The following SKAP2 variants were observed in gnomAD, a reference collection of about 807,000 sequenced individuals.
The protein encoded by SKAP2 is src kinase-associated phosphoprotein 2.
Under a neutral mutation model 54.9 loss-of-function variants are expected in SKAP2, and 28 were observed. That is an observed-to-expected ratio of 0.51 (90% confidence interval 0.38 to 0.70). The LOEUF is 0.70. SKAP2 is among the 30% of genes least tolerant of loss of function. The pLI is 0.00. For synonymous variants in SKAP2, 137 were observed against 134.3 expected (o/e 1.02, Z -0.14); for missense variants, 356 against 424.1 (o/e 0.84, Z 1.41).
chr7:26,743,413 G>C (rs1782497406), intron 4 of SKAP2, among the ~76,000 whole-genome samples: 1 of 152,104 alleles, frequency 6.6e-6, no homozygotes, highest in African/African-American at 2.4e-5. Context: ...GCATGATTCA[G>C]CAACTATACA....
intron 4 of SKAP2, among the ~76,000 whole-genome samples, chr7:26,841,304 G>A (rs1052024324): frequency 5.9e-5 from 9 of 151,784 alleles, no homozygotes; most frequent in Admixed American, 5.3e-4. Context: ...CTGTTAGCAT[G>A]CAGCAAGTTA....
chr7:26,699,858 T>C (rs1786985147), intron 9 of SKAP2, among the ~76,000 whole-genome samples: 1 of 152,196 alleles, frequency 6.6e-6, no homozygotes, highest in South Asian at 2.1e-4. Context: ...CACTATTTGA[T>C]AATTATTTTA....
intron 9 of SKAP2, 101 bp downstream of exon 9, chr7:26,725,327 T>C: frequency 1.3e-6 from 1 of 760,626 alleles, no homozygotes. Context: ...CATTTTCTAC[T>C]CAAGCTGTCG....
At chr7:26,698,536 G>T (rs1786948212) in intron 9 of SKAP2, among the ~76,000 whole-genome samples, 1 of 152,176 alleles carries the variant, frequency 6.6e-6, no homozygotes, top group South Asian at 2.1e-4. Flanking sequence ...GAATGTCCTT[G>T]ATGAAGCAGT....
chr7:26,732,767 A>G (rs893889684), intron 6 of SKAP2, among the ~76,000 whole-genome samples: 5 of 152,208 alleles, frequency 3.3e-5, no homozygotes, highest in Non-Finnish European at 5.9e-5. Context: ...TGCAGATGCC[A>G]ATGCTAAATC....
chr7:26,736,532 C>A (rs1273845433), intron 6 of SKAP2, among the ~76,000 whole-genome samples: 1 of 152,178 alleles, frequency 6.6e-6, no homozygotes, highest in South Asian at 2.1e-4. Flanking sequence ...CAAGAAGTAA[C>A]AATAAGTGTA....
chr7:26,741,747 A>G (rs1398281275), intron 4 of SKAP2, among the ~76,000 whole-genome samples: 1 of 152,062 alleles, frequency 6.6e-6, no homozygotes, highest in Non-Finnish European at 1.5e-5. Flanking sequence ...TGTACCCACA[A>G]AAATTAAAAA....
intron 4 of SKAP2, among the ~76,000 whole-genome samples, chr7:26,771,194 T>C (rs1044786599): frequency 6.6e-6 from 1 of 152,232 alleles, no homozygotes; most frequent in African/African-American, 2.4e-5. Context: ...CACCTTTCCC[T>C]AGGTGTAGCT....
intron 3 of SKAP2, among the ~76,000 whole-genome samples, chr7:26,849,198 A>T (rs912816829): frequency 6.6e-6 from 1 of 152,236 alleles, no homozygotes; most frequent in African/African-American, 2.4e-5. Context: ...TCCATTAATA[A>T]ACTTAAGAAA....
chr7:26,726,054 C>A (rs553610213), intron 7 of SKAP2, 68 bp from the exon 8 acceptor site: 213 of 1,022,896 alleles, frequency 2.1e-4, no homozygotes, highest in South Asian at 8.5e-4. Context: ...TGTATTCTTA[C>A]CATTTCTTTA....
intron 1 of SKAP2, chr7:26,857,310 T>TA (rs59046895): frequency 0.097 from 8,845 of 91,074 alleles, 747 homozygotes; most frequent in African/African-American, 0.12. Context: ...CTGCTTTGCT[T>TA]AAAAAAAAAA....
intron 10 of SKAP2, 28 bp downstream of exon 10, chr7:26,690,257 T>C: frequency 6.8e-7 from 1 of 1,473,358 alleles, no homozygotes; most frequent in Non-Finnish European, 9.5e-7. Flanking sequence ...CAAAATAAGG[T>C]TTGCCAAGAA....
At chr7:26,773,508 C>T (rs1442823883) in intron 4 of SKAP2, among the ~76,000 whole-genome samples, 2 of 152,214 alleles carry the variant, frequency 1.3e-5, no homozygotes, top group Non-Finnish European at 2.9e-5. Flanking sequence ...GATTCTACAA[C>T]TGGATAGCAG....
At chr7:26,765,545 T>C (rs1783033647) in intron 4 of SKAP2, among the ~76,000 whole-genome samples, 1 of 152,218 alleles carries the variant, frequency 6.6e-6, no homozygotes, top group Non-Finnish European at 1.5e-5. Context: ...TCTTTGCCCA[T>C]GCCTATGTCC....
chr7:26,666,779 A>G (rs367822027), downstream of SKAP2, among the ~76,000 whole-genome samples: 46 of 152,252 alleles, frequency 3.0e-4, no homozygotes, highest in East Asian at 8.7e-3. Context: ...TCTATGAAAG[A>G]AAGTGTCATA....
intron 4 of SKAP2, among the ~76,000 whole-genome samples, chr7:26,794,545 T>C (rs80350725): frequency 1.2e-3 from 177 of 152,352 alleles, no homozygotes; most frequent in Admixed American, 3.5e-3. Context: ...AAAAATGCTA[T>C]ATAAACTGCA....
At chr7:26,731,401 T>G (rs1469868279) in intron 6 of SKAP2, among the ~76,000 whole-genome samples, 1 of 152,190 alleles carries the variant, frequency 6.6e-6, no homozygotes, top group African/African-American at 2.4e-5. Flanking sequence ...TCAGCTTTCT[T>G]TATGGGTTCC....
intron 4 of SKAP2, among the ~76,000 whole-genome samples, chr7:26,799,114 A>AAGGCAAGG (rs1783851188): frequency 6.7e-6 from 1 of 148,764 alleles, no homozygotes; most frequent in Non-Finnish European, 1.5e-5. Flanking sequence ...GCAAGGCAAG[A>AAGGCAAGG]CAAGGCAAGG....
intron 4 of SKAP2, among the ~76,000 whole-genome samples, chr7:26,831,534 C>T (rs936294309): frequency 6.6e-6 from 1 of 152,080 alleles, no homozygotes; most frequent in Non-Finnish European, 1.5e-5. Context: ...TTAAGATAAT[C>T]CCTAAAATTG....
Sources: gnomAD v4.1 joint callset for allele counts (sites outside exome capture counted in the v4.1 genomes callset) on GRCh38, gnomAD v4.1.1 for gene constraint, MANE v1.5 for transcripts, NCBI Gene and HGNC (gene_info 2026-07-23, HGNC 2026-07-21) for gene names.